Variants in WASHC4 observed in about 807,000 individuals in gnomAD.
The protein encoded by WASHC4 is WASH complex subunit 4.
In WASHC4, 86 loss-of-function variants were observed where a neutral mutation model predicts 166.6. That is an observed-to-expected ratio of 0.52 (90% confidence interval 0.43 to 0.62). WASHC4 has a LOEUF of 0.62. WASHC4 is among the 20% of genes least tolerant of loss of function. The probability of loss-of-function intolerance (pLI) is 0.00; values close to 1 mark genes in which losing one functional copy is unlikely to be tolerated. For synonymous variants in WASHC4, 446 were observed against 451.6 expected (o/e 0.99, Z 0.16); for missense variants, 1,262 against 1,382.4 (o/e 0.91, Z 1.38).
intron 2 of WASHC4, 72 bp from the exon 3 acceptor site, chr12:105,114,144 C>T (rs1476332720): frequency 2.2e-6 from 3 of 1,370,660 alleles, no homozygotes; most frequent in Non-Finnish European, 3.1e-6. Flanking sequence ...TAAAGCTAGC[C>T]TCAATTTGTG....
In WASHC4 at chr12:105,122,377, A is replaced by G. The variant is rs555278576; in HGVS notation, c.786+139A>G. The G allele has an allele frequency of 9.6e-6, 8 of 835,618 alleles. No individual in the cohort carries two copies. In the East Asian group the frequency reaches 2.2e-4, roughly 23 times the overall value. The allele number at this position is 835,618 out of a possible 1,614,324, so 51.8% of individuals were successfully genotyped here. ...TGCTTTGGCTTAAAATTATTGTTACAGTACTAAAATATTTCTGTATCTAGT... is the reference window on the plus strand; with the variant it reads ...TGCTTTGGCTTAAAATTATTGTTACGGTACTAAAATATTTCTGTATCTAGT... On this transcript the variant is annotated intron_variant, in intron 10 of 32. Transcript: ENST00000332180.
At chr12:105,128,775 T>G (rs915312341) in intron 13 of WASHC4, among the ~76,000 whole-genome samples, 32 of 18,220 alleles carry the variant, frequency 1.8e-3, no homozygotes, top group African/African-American at 0.012. Flanking sequence ...TCCGTTTTGT[T>G]TTTTTTTTTG....
At chr12:105,161,948 A>G (rs1235660645) in intron 29 of WASHC4, among the ~76,000 whole-genome samples, 2 of 152,222 alleles carry the variant, frequency 1.3e-5, no homozygotes, top group Admixed American at 6.5e-5. Flanking sequence ...AAATAAAAAT[A>G]CCTTTTTAAA....
chr12:105,147,918 A>AG (rs1883443083), intron 24 of WASHC4: 2 of 982,782 alleles, frequency 2.0e-6, no homozygotes, highest in Admixed American at 1.2e-4. Context: ...AAAAAAAAAA[A>AG]CAAACAAAAA....
rs1409843763 is a variant in WASHC4 at position 105,115,210 on chromosome 12, C to G, written c.348C>G (p.Leu116=). The change falls in exon 5 of 33, where the codon CTC becomes CTG. Residue 116 remains leucine, a synonymous_variant. Coordinates refer to ENST00000332180, the MANE Select transcript of WASHC4 (RefSeq NM_015275.3). ...CTGAAACTAAATTTTACAATGGTCT[C>G]TTGTTTTATGGAGAAGGAGGTAAGT... The part of the protein sequence containing the change: ...YEAETKFYNG[L]LFYGEGATDA... The G allele has an allele frequency of 6.4e-7, 1 of 1,558,004 alleles. No individual in the cohort carries two copies. Among genetic ancestry groups the G allele is most frequent in the Non-Finnish European group, 8.8e-7 (1 of 1,130,176 alleles).
chr12:105,159,360 A>G (rs962954941), intron 28 of WASHC4, among the ~76,000 whole-genome samples: 3 of 152,244 alleles, frequency 2.0e-5, no homozygotes, highest in Non-Finnish European at 2.9e-5. Flanking sequence ...TGAATAGATT[A>G]TCTGCATAGA....
At chr12:105,139,423 G>GTATATATATATA (rs1398258029) in intron 15 of WASHC4, among the ~76,000 whole-genome samples, 1 of 27,382 alleles carries the variant, frequency 3.7e-5, no homozygotes, top group African/African-American at 1.4e-4. Context: ...ATATGTGTGT[G>GTATATATATATA]TGTATATATA....
Position 105,140,986 on chromosome 12 carries a change from C to G in WASHC4, c.1648C>G (p.Pro550Ala). 6.2e-7 allele frequency: 1 copy of G among 1,614,108 alleles called. No homozygotes were observed. Residue 550 changes from proline to alanine, a missense_variant, in exon 17 of 33, where the codon CCA (proline) becomes GCA (alanine). Physicochemically the swap from Pro to Ala is conservative, Grantham distance 27 (BLOSUM62 -1). Coordinates refer to ENST00000332180, the MANE Select transcript of WASHC4 (RefSeq NM_015275.3). ...TTTGGCTGAAAACACTCTAAATGGA[C>G]CAAGCACAAAGCAACGGCGACTTAT... ...LVLAENTLNG[P>A]STKQRRLIVS...
At chr12:105,155,578 A>G (rs1269893346) in intron 26 of WASHC4, among the ~76,000 whole-genome samples, 2 of 258 alleles carry the variant, frequency 7.8e-3, no homozygotes, top group East Asian at 0.12. Flanking sequence ...TGTGGCTCAC[A>G]CACTGTAATC....
At chr12:105,122,930 G>A (rs1407970682) in intron 10 of WASHC4, among the ~76,000 whole-genome samples, 1 of 152,090 alleles carries the variant, frequency 6.6e-6, no homozygotes, top group Non-Finnish European at 1.5e-5. Flanking sequence ...TAGCCCTACA[G>A]TGGCCTCTAA....
At position 105,121,124 on chromosome 12, in the gene WASHC4, A is replaced by G; in HGVS notation, c.585A>G (p.Glu195=). 3 of 1,612,966 alleles carry G rather than the reference A, an allele frequency of 1.9e-6. No homozygotes were observed. The highest frequency in any genetic ancestry group is 1.7e-6 in the Non-Finnish European group (2 of 1,179,266). The change falls in exon 9 of 33, where the codon GAA becomes GAG. Residue 195 remains glutamate (E), a synonymous_variant. Transcript: ENST00000332180. ...AGACTATGTATGAGCACTTGGGAGA[A>G]CTGCTAACAGTTTTGCTCACCCTGG... ...HFQTMYEHLG[E]LLTVLLTLDE...
intron 13 of WASHC4, among the ~76,000 whole-genome samples, chr12:105,131,754 A>G (rs1033612051): frequency 2.0e-5 from 3 of 152,242 alleles, no homozygotes; most frequent in African/African-American, 7.2e-5. Flanking sequence ...GGAATCATTC[A>G]TAAGTCAAAC....
At chr12:105,139,886 G>GTT (rs1175367513) in intron 15 of WASHC4, among the ~76,000 whole-genome samples, 14 of 142,526 alleles carry the variant, frequency 9.8e-5, no homozygotes, top group Non-Finnish European at 1.4e-4. Context: ...TACTTTGTAA[G>GTT]TTTTTTTTTT....
chr12:105,164,004 T>C, intron 30 of WASHC4, 107 bp from the exon 31 acceptor site: 1 of 1,003,192 alleles, frequency 1.0e-6, no homozygotes, highest in South Asian at 1.4e-5. Context: ...CTTAAAATGC[T>C]AGGAATTATT....
At position 105,146,379 on chromosome 12, in the gene WASHC4, C is replaced by A. The variant is rs1309019337; in HGVS notation, c.2335-73C>A. The A allele has an allele frequency of 3.3e-6, 3 of 900,766 alleles. No individual in the cohort carries two copies. In the South Asian group the frequency reaches 4.1e-5, roughly 12 times the overall value. 55.8% of individuals were successfully genotyped at this position (900,766 alleles called of 1,614,324 possible). On this transcript the variant is annotated intron_variant, in intron 22 of 32. Coordinates refer to ENST00000332180, the MANE Select transcript of WASHC4 (RefSeq NM_015275.3). ...TTAGGAAACAGTATAATCAATAAGT[C>A]ATTATGCTGATACAAGTTTAACTGA...
At chr12:105,135,689 T>C (rs1290939626) in intron 14 of WASHC4, among the ~76,000 whole-genome samples, 2 of 30,260 alleles carry the variant, frequency 6.6e-5, no homozygotes, top group Admixed American at 4.2e-4. Flanking sequence ...TTCATCTGTC[T>C]CTAATCAATT....
Position 105,143,252 on chromosome 12 carries a change from A to T in WASHC4, c.2010+9A>T, listed in dbSNP as rs1316127855. 1.4e-6 allele frequency: 2 copies of T among 1,394,430 alleles called. No homozygotes were observed. The highest frequency in any genetic ancestry group is 2.3e-5 in the South Asian group (2 of 86,480). The allele number at this position is 1,394,430 out of a possible 1,614,324, so 86.4% of individuals were successfully genotyped here. On this transcript the variant is annotated intron_variant, in intron 20 of 32. Transcript: ENST00000332180. ...TGGAAATTTTAAATGAGGTAACATC[A>T]TATTTGAGATTGAAAAGCTTAAAAC...
chr12:105,157,871 A>G (rs1366643397), intron 28 of WASHC4, among the ~76,000 whole-genome samples: 2 of 113,924 alleles, frequency 1.8e-5, no homozygotes, highest in Non-Finnish European at 3.6e-5. Flanking sequence ...CTTATTGAAC[A>G]GTGCAGGACT....
intron 29 of WASHC4, among the ~76,000 whole-genome samples, chr12:105,162,476 A>G (rs1884558809): frequency 1.3e-5 from 2 of 152,198 alleles, no homozygotes; most frequent in Non-Finnish European, 2.9e-5. Flanking sequence ...AATGAGATAT[A>G]CAAGGCACTG....
Sources: allele counts gnomAD v4.1 joint callset (sites outside exome capture counted in the v4.1 genomes callset), GRCh38; gene constraint gnomAD v4.1.1; transcripts MANE v1.5; gene names NCBI Gene and HGNC (gene_info 2026-07-23, HGNC 2026-07-21).